CIT: variants seen among roughly 807,000 people sequenced by gnomAD.
CIT encodes the protein citron rho-interacting serine/threonine kinase.
A neutral mutation model predicts 272.7 loss-of-function variants in CIT; 79 were observed. That is an observed-to-expected ratio of 0.29 (90% CI 0.24 to 0.35). CIT has a LOEUF of 0.35. CIT is among the 10% of genes least tolerant of loss of function. The probability of loss-of-function intolerance (pLI) is 1.00; values close to 1 mark genes in which losing one functional copy is unlikely to be tolerated. For missense variants in CIT, 1,909 were observed against 2,618.3 expected (o/e 0.73, Z 5.91); for synonymous variants, 948 against 995.6 (o/e 0.95, Z 0.90).
Position 119,772,893 on chromosome 12 carries a change from C to T in CIT, c.1959G>A (p.Thr653=), listed in dbSNP as rs141771302. 31 of 1,613,576 alleles carry T rather than the reference C, an allele frequency of 1.9e-5. No homozygotes were observed. Among genetic ancestry groups the T allele is most frequent in the African/African-American group, 8.0e-5 (6 of 74,962 alleles). The change falls in exon 17 of 48, where the codon ACG becomes ACA. Residue 653 remains threonine (T), a synonymous_variant. Coordinates refer to ENST00000392521, the MANE Select transcript of CIT (RefSeq NM_001206999.2). ...TATTCTGCAGCAGCTCGGTGGCCTC[C>T]GTGCTGGCTTTTACAGCCTAGGAAG... The part of the protein sequence containing the change: ...EKLEKAVKAS[T]EATELLQNIR...
At chr12:119,785,123 T>G (rs1593736008) in intron 10 of CIT, 58 bp from the exon 11 acceptor site, 1 of 1,545,152 alleles carries the variant, frequency 6.5e-7, no homozygotes, top group East Asian at 2.3e-5. Flanking sequence ...GAAGCTGCAT[T>G]AGGAAGCTGC....
intron 23 of CIT, among the ~76,000 whole-genome samples, chr12:119,748,933 T>G (rs1400000200): frequency 6.6e-6 from 1 of 152,244 alleles, no homozygotes; most frequent in East Asian, 1.9e-4. Context: ...AGACTCAAAT[T>G]ATCTCCCTTG....
At chr12:119,760,644 C>G (rs906788815) in intron 20 of CIT, among the ~76,000 whole-genome samples, 1 of 150,868 alleles carries the variant, frequency 6.6e-6, no homozygotes, top group Non-Finnish European at 1.5e-5. Flanking sequence ...AAAAAAAGAG[C>G]AGGAAGACCA....
chr12:119,784,207 G>C lies in CIT; in HGVS notation c.1402-156C>G, dbSNP rs755382121. On this transcript the variant is annotated intron_variant, in intron 11 of 47. Coordinates refer to ENST00000392521, the MANE Select transcript of CIT (RefSeq NM_001206999.2). This position sits in a 1 kb window ranked among gnomAD's most constrained non-coding sequence, Gnocchi z 4.7. ...GAAATACCATTGTTTCTTCGCCCAG[G>C]AGCGCACAGTTCTTCGTTAAGGACA... 1 of 1,604,806 alleles carries C rather than the reference G, an allele frequency of 6.2e-7. No individual in the cohort carries two copies. Among genetic ancestry groups the C allele is most frequent in the Non-Finnish European group, 8.5e-7 (1 of 1,174,602 alleles).
intron 5 of CIT, among the ~76,000 whole-genome samples, chr12:119,843,469 G>A (rs540302745): frequency 7.9e-5 from 12 of 152,190 alleles, no homozygotes; most frequent in Middle Eastern, 3.4e-3. Context: ...CAGCCAGGAG[G>A]GATATACCAT....
intron 9 of CIT, among the ~76,000 whole-genome samples, chr12:119,813,338 C>T (rs1442160996): frequency 6.6e-6 from 1 of 152,200 alleles, no homozygotes; most frequent in Non-Finnish European, 1.5e-5. Flanking sequence ...AAGTGAGACA[C>T]CAGAAATCAT....
intron 13 of CIT, among the ~76,000 whole-genome samples, chr12:119,780,382 G>T (rs1240604559): frequency 6.6e-6 from 1 of 152,146 alleles, no homozygotes; most frequent in Non-Finnish European, 1.5e-5. Flanking sequence ...ACTTTGGGAG[G>T]CCAAGGCGGG....
Position 119,872,728 on chromosome 12 carries a change from A to C in CIT, c.96+3345T>G, listed in dbSNP as rs535539574. Among the ~76,000 whole-genome samples, 3 of 152,302 alleles carry C rather than the reference A, an allele frequency of 2.0e-5. No homozygotes were observed. The South Asian group carries it at 6.2e-4, about 32-fold the overall frequency. On this transcript the variant is annotated intron_variant, in intron 2 of 47. Coordinates refer to ENST00000392521, the MANE Select transcript of CIT (RefSeq NM_001206999.2). ...GGAGTCTGATCTTGGCCTCATCTGC[A>C]AAACCCAACGTGTATGATCTTGGGC...
chr12:119,750,778 T>C (rs1260869021), intron 23 of CIT, among the ~76,000 whole-genome samples: 1 of 150,542 alleles, frequency 6.6e-6, no homozygotes. Context: ...GATAGATAGA[T>C]AGATAGATAG....
intron 24 of CIT, among the ~76,000 whole-genome samples, chr12:119,737,867 G>A (rs1040051902): frequency 6.6e-6 from 1 of 152,086 alleles, no homozygotes; most frequent in Admixed American, 6.6e-5. Flanking sequence ...TTGTGACCTT[G>A]TTTCAAGTTG....
chr12:119,818,033 A>G (rs182158238), intron 9 of CIT, among the ~76,000 whole-genome samples: 24 of 152,356 alleles, frequency 1.6e-4, no homozygotes, highest in Admixed American at 9.8e-4. Context: ...TATTACTAAT[A>G]ACAATAACTT....
chr12:119,804,048 A>T lies in CIT; in HGVS notation c.1112-659T>A, dbSNP rs1966433946. 1 of 462,436 alleles carries T rather than the reference A, an allele frequency of 2.2e-6. No homozygotes were observed. Among genetic ancestry groups the T allele is most frequent in the African/African-American group, 2.2e-5 (1 of 46,320 alleles). 28.6% of individuals were successfully genotyped at this position (462,436 alleles called of 1,614,324 possible). A position where few individuals can be genotyped will look rare whatever the true frequency, so the allele number is the denominator to read the frequency against. ...CAGCGCAATCATGCCCATCAAATCC[A>T]CTGCAGTTTAATCAGCATAATGAAG... On this transcript the variant is annotated intron_variant, in intron 9 of 47. Coordinates refer to ENST00000392521, the MANE Select transcript of CIT (RefSeq NM_001206999.2). This position sits in a 1 kb window ranked among gnomAD's most constrained non-coding sequence, Gnocchi z 5.3.
intron 13 of CIT, among the ~76,000 whole-genome samples, chr12:119,780,962 C>T (rs1593717771): frequency 6.6e-6 from 1 of 152,316 alleles, no homozygotes; most frequent in Middle Eastern, 3.4e-3. Context: ...CTTTTCAAAA[C>T]GTCCTGATAA....
At chr12:119,748,062 G>A (rs928484297) in intron 23 of CIT, among the ~76,000 whole-genome samples, 8 of 152,148 alleles carry the variant, frequency 5.3e-5, no homozygotes, top group African/African-American at 1.9e-4. Flanking sequence ...TACTTGGGAG[G>A]CTGAGGTGGG....
intron 19 of CIT, among the ~76,000 whole-genome samples, chr12:119,764,124 G>A (rs895888216): frequency 3.9e-5 from 6 of 152,042 alleles, no homozygotes; most frequent in Non-Finnish European, 8.8e-5. Context: ...GAAAGCCCCC[G>A]ACCACCCACC....
chr12:119,821,626 G>C (rs1379890313), intron 9 of CIT, among the ~76,000 whole-genome samples: 1 of 152,116 alleles, frequency 6.6e-6, no homozygotes, highest in Non-Finnish European at 1.5e-5. Context: ...AAAATTAACT[G>C]CTTATTCAAG....
intron 5 of CIT, among the ~76,000 whole-genome samples, chr12:119,837,588 A>G (rs191465716): frequency 6.6e-6 from 1 of 152,386 alleles, no homozygotes; most frequent in East Asian, 1.9e-4. Context: ...CCAAGAGTCC[A>G]TTCACAGCAT....
intron 10 of CIT, among the ~76,000 whole-genome samples, chr12:119,801,392 C>T (rs1273440639): frequency 6.6e-6 from 1 of 152,176 alleles, no homozygotes; most frequent in Non-Finnish European, 1.5e-5. Flanking sequence ...AGATGTCGTT[C>T]AAGTCTTCCT....
intron 16 of CIT, among the ~76,000 whole-genome samples, chr12:119,774,615 G>A (rs1018716093): frequency 2.0e-5 from 3 of 151,970 alleles, no homozygotes; most frequent in Admixed American, 6.6e-5. Context: ...ATAAGTACAT[G>A]CAATTATTAT....
Sources: gnomAD v4.1 joint callset for allele counts (sites outside exome capture counted in the v4.1 genomes callset) on GRCh38, gnomAD v4.1.1 for gene constraint, Gnocchi (gnomAD v3.1) non-coding constraint, MANE v1.5 for transcripts, NCBI Gene and HGNC (gene_info 2026-07-23, HGNC 2026-07-21) for gene names.